SEC24D: variants seen among roughly 807,000 people sequenced by gnomAD.
SEC24D encodes protein transport protein Sec24D.
In SEC24D, 69 loss-of-function variants were observed where a neutral mutation model predicts 116.9. That is an observed-to-expected ratio of 0.59 (90% CI 0.49 to 0.72). SEC24D has a LOEUF of 0.72. Among genes scored for constraint, SEC24D ranks in the 30% least tolerant of loss-of-function variants. The pLI is 0.00. For synonymous variants in SEC24D, 405 were observed against 442.8 expected (o/e 0.91, Z 1.07); for missense variants, 1,131 against 1,264.1 (o/e 0.89, Z 1.60).
chr4:118,819,788 T>C (rs1730315843), intron 3 of SEC24D, among the ~76,000 whole-genome samples: 1 of 152,168 alleles, frequency 6.6e-6, no homozygotes, highest in Admixed American at 6.5e-5. Context: ...GTTTTTACAA[T>C]ACAGGTAGGA....
At position 118,815,055 on chromosome 4, in the gene SEC24D, C is replaced by T. The variant is rs755397076; in HGVS notation, c.774G>A (p.Lys258=). 8 of 1,614,040 alleles carry T rather than the reference C, an allele frequency of 5.0e-6. No individual in the cohort carries two copies. Among genetic ancestry groups the T allele is most frequent in the South Asian group, 4.4e-5 (4 of 91,086 alleles). ...GGCTAGGGATAGAGTCAGGATCCAG[C>T]TTCTTCTGGGGCTGTGGCGGACCAG... ...QMAGPPQPQK[K]LDPDSIPSPI... Residue 258 remains lysine (K), a synonymous_variant, in exon 6 of 23, where the codon AAG becomes AAA. Coordinates refer to ENST00000280551, the MANE Select transcript of SEC24D (RefSeq NM_014822.4).
At chr4:118,777,970 A>T (rs1216180513) in intron 8 of SEC24D, among the ~76,000 whole-genome samples, 1 of 151,856 alleles carries the variant, frequency 6.6e-6, no homozygotes, top group African/African-American at 2.4e-5. Context: ...TTTTTCTTGT[A>T]AATTTGTTTA....
chr4:118,726,011 A>G (rs1725392720), intron 22 of SEC24D, among the ~76,000 whole-genome samples: 1 of 152,228 alleles, frequency 6.6e-6, no homozygotes, highest in Admixed American at 6.5e-5. Context: ...GAACATTAAA[A>G]TAATCACTGC....
At position 118,814,786 on chromosome 4, in the gene SEC24D, C is replaced by T. The variant is rs555577741; in HGVS notation, c.801+242G>A. On this transcript the variant is annotated intron_variant, in intron 6 of 22. Coordinates refer to ENST00000280551, the MANE Select transcript of SEC24D (RefSeq NM_014822.4). ...AGACACTGCCAAGTTTATATGACAC[C>T]AAAAAAAAAGAAAAAAAAAATCAGC... 4.0e-5 allele frequency among the ~76,000 whole-genome samples: 6 copies of T among 148,172 alleles called. No individual in the cohort carries two copies. The South Asian group carries it at 1.3e-3, about 32-fold the overall frequency.
chr4:118,741,095 C>A, intron 15 of SEC24D, 58 bp from the exon 16 acceptor site: 1 of 838,188 alleles, frequency 1.2e-6, no homozygotes, highest in Non-Finnish European at 1.9e-6. Flanking sequence ...CTTAAAATAA[C>A]GTTCTCATTT....
At chr4:118,817,151 A>G in intron 4 of SEC24D, 113 bp downstream of exon 4, 1 of 820,962 alleles carries the variant, frequency 1.2e-6, no homozygotes, top group Non-Finnish European at 1.9e-6. Flanking sequence ...TCCAAATACT[A>G]CTTCAACACA....
At chr4:118,751,768 C>G (rs1726849607) in intron 13 of SEC24D, among the ~76,000 whole-genome samples, 1 of 152,134 alleles carries the variant, frequency 6.6e-6, no homozygotes, top group Non-Finnish European at 1.5e-5. Flanking sequence ...ACTGGAAATC[C>G]TGGCAAAATG....
chr4:118,756,958 A>G (rs1162771893), intron 11 of SEC24D, among the ~76,000 whole-genome samples: 1 of 151,952 alleles, frequency 6.6e-6, no homozygotes, highest in Non-Finnish European at 1.5e-5. Context: ...TTTCCTCTTT[A>G]TTTTTCAAAA....
Position 118,728,602 on chromosome 4 carries a change from T to A in SEC24D, c.2917A>T (p.Ile973Leu). The A allele has an allele frequency of 6.2e-7, 1 of 1,611,004 alleles. No individual in the cohort carries two copies. Among genetic ancestry groups the A allele is most frequent in the Non-Finnish European group, 8.5e-7 (1 of 1,177,984 alleles). ...GNPYSQQLRMIMGIIQQKRPY... is the reference protein window; with the variant it reads ...GNPYSQQLRMLMGIIQQKRPY... ...CTCTTTTGTTGGATAATACCCATTATCATTCTGAGTTGTTGAGAGTATGGG... is the reference window on the plus strand; with the variant it reads ...CTCTTTTGTTGGATAATACCCATTAACATTCTGAGTTGTTGAGAGTATGGG... Residue 973 changes from isoleucine to leucine, a missense_variant, in exon 22 of 23, where the codon ATA (isoleucine) becomes TTA (leucine). By Grantham distance (5) the Ile-to-Leu change is conservative. Transcript: ENST00000280551.
intron 11 of SEC24D, chr4:118,754,254 C>G (rs1428829880): frequency 2.0e-5 from 3 of 152,106 alleles, no homozygotes; most frequent in African/African-American, 7.2e-5. Flanking sequence ...ACTACACATA[C>G]AACAGACACT....
At chr4:118,765,840 C>A (rs373737598) in intron 9 of SEC24D, among the ~76,000 whole-genome samples, 5 of 146,750 alleles carry the variant, frequency 3.4e-5, no homozygotes, top group Non-Finnish European at 7.6e-5. Flanking sequence ...AAAAAAAAAA[C>A]CCACTGAGGC....
chr4:118,762,845 T>C (rs1244717333), intron 10 of SEC24D, among the ~76,000 whole-genome samples: 2 of 152,196 alleles, frequency 1.3e-5, no homozygotes, highest in Admixed American at 6.5e-5. Context: ...TTCTGGAATA[T>C]TTCCAGATAA....
intron 8 of SEC24D, among the ~76,000 whole-genome samples, chr4:118,791,893 G>A (rs74696014): frequency 0.29 from 43,970 of 152,066 alleles, 7,111 homozygotes; most frequent in Non-Finnish European, 0.37. Flanking sequence ...CCTCCCAGGC[G>A]CCTGCCCTGG....
At position 118,815,019 on chromosome 4, in the gene SEC24D, A is replaced by G. The variant is rs776944697; in HGVS notation, c.801+9T>C. 1.9e-6 allele frequency: 3 copies of G among 1,612,668 alleles called. No individual in the cohort carries two copies. In the Admixed American group the frequency reaches 5.0e-5, roughly 27 times the overall value. On this transcript the variant is annotated intron_variant, in intron 6 of 22. Transcript: ENST00000280551. ...TGAGTGAGACTGTGAGAGTGAGAAGAGTACTTACTGGGCTAGGGATAGAGT... is the reference window on the plus strand; with the variant it reads ...TGAGTGAGACTGTGAGAGTGAGAAGGGTACTTACTGGGCTAGGGATAGAGT...
intron 22 of SEC24D, among the ~76,000 whole-genome samples, chr4:118,724,400 G>C (rs1725301694): frequency 6.6e-6 from 1 of 152,034 alleles, no homozygotes; most frequent in African/African-American, 2.4e-5. Flanking sequence ...TCCAAATTGA[G>C]ATGTGCTGTA....
chr4:118,807,404 C>G (rs1729721057), intron 6 of SEC24D, among the ~76,000 whole-genome samples: 1 of 151,304 alleles, frequency 6.6e-6, no homozygotes, highest in African/African-American at 2.4e-5. Flanking sequence ...AAAAAGAGAA[C>G]AAGAAAGAAT....
chr4:118,834,051 A>G (rs1730990846), intron 1 of SEC24D, among the ~76,000 whole-genome samples: 1 of 152,198 alleles, frequency 6.6e-6, no homozygotes, highest in Non-Finnish European at 1.5e-5. Context: ...TAGTGTTCCT[A>G]TGATTTTGTG....
intron 9 of SEC24D, among the ~76,000 whole-genome samples, chr4:118,767,154 G>A: frequency 6.6e-6 from 1 of 152,226 alleles, no homozygotes; most frequent in Non-Finnish European, 1.5e-5. Context: ...CACTCGCAAG[G>A]CCAGTCTCTG....
intron 10 of SEC24D, among the ~76,000 whole-genome samples, chr4:118,758,903 TCTG>T (rs1211558558): frequency 6.6e-6 from 1 of 152,212 alleles, no homozygotes; most frequent in Non-Finnish European, 1.5e-5. Flanking sequence ...ATGAAGGAAT[TCTG>T]CTATGTGAAT....
Sources: gnomAD v4.1 joint callset for allele counts (sites outside exome capture counted in the v4.1 genomes callset) on GRCh38, gnomAD v4.1.1 for gene constraint, MANE v1.5 for transcripts, NCBI Gene and HGNC (gene_info 2026-07-23, HGNC 2026-07-21) for gene names.